The following GNAL variants were observed in gnomAD, a reference collection of about 807,000 sequenced individuals.
GNAL encodes G protein subunit alpha L, also known as guanine nucleotide-binding protein G(olf) subunit alpha.
A neutral mutation model predicts 55.1 loss-of-function variants in GNAL; 18 were observed. The observed-to-expected ratio is 0.33, with a 90% CI of 0.23 to 0.48. The LOEUF (loss-of-function observed/expected upper bound fraction) is 0.48. Ranked by LOEUF, GNAL falls within the 20% of genes least tolerant of loss-of-function variation. GNAL has a pLI of 0.99. For synonymous variants in GNAL, 253 were observed against 237.0 expected, an observed-to-expected ratio of 1.07 and a Z score of -0.62; for missense variants, 412 against 614.1, an observed-to-expected ratio of 0.67 and a Z score of 3.48.
chr18:11,689,688 G>T lies in GNAL; in HGVS notation c.125G>T (p.Arg42Leu). The T allele has an allele frequency of 1.4e-6, 2 of 1,464,036 alleles. No individual in the cohort carries two copies. The highest frequency in any genetic ancestry group is 9.0e-7 in the Non-Finnish European group (1 of 1,113,362). The allele number at this position is 1,464,036 out of a possible 1,614,324, so 90.7% of individuals were successfully genotyped here. ...CCGGCCCCGGCCCTGGCCCCAGTCCGGGCGGCCGCAAGGGACACGGCCCGG... is the reference window on the plus strand; with the variant it reads ...CCGGCCCCGGCCCTGGCCCCAGTCCTGGCGGCCGCAAGGGACACGGCCCGG... Reference protein sequence around the residue: ...PAPAPALAPVRAAARDTARTL... With the variant: ...PAPAPALAPVLAAARDTARTL... The change falls in exon 1 of 12, where the codon CGG becomes CTG. Residue 42 changes from arginine to leucine, a missense_variant. Coordinates refer to ENST00000334049, the MANE Select transcript of GNAL (RefSeq NM_182978.4).
chr18:11,780,186 C>T (rs1053797462), intron 4 of GNAL, among the ~76,000 whole-genome samples: 7 of 151,998 alleles, frequency 4.6e-5, no homozygotes, highest in African/African-American at 1.7e-4. Context: ...TTTTTATGTG[C>T]AGTTACCTAA....
intron 4 of GNAL, among the ~76,000 whole-genome samples, chr18:11,820,177 G>T (rs2035056739): frequency 6.6e-6 from 1 of 152,040 alleles, no homozygotes. Context: ...ACAGGGTGGG[G>T]GATATTTATG....
At position 11,882,254 on chromosome 18, in the gene GNAL, T is replaced by C. The variant is rs1200629386; in HGVS notation, c.*1119T>C. On this transcript the variant is annotated 3_prime_UTR_variant, in exon 12 of 12. Coordinates refer to ENST00000334049, the MANE Select transcript of GNAL (RefSeq NM_182978.4). ...TCAGGGAACCAGGGATTTTTTTCTC[T>C]CTCTCTAGACAATATGTTTCCTCAT... is the stretch of plus-strand genomic sequence containing the variant. 2.6e-5 allele frequency: 4 copies of C among 152,172 alleles called. No individual in the cohort carries two copies. Among genetic ancestry groups the C allele is most frequent in the Admixed American group, 2.6e-4 (4 of 15,262 alleles). 9.4% of individuals were successfully genotyped at this position (152,172 alleles called of 1,614,324 possible).
rs562431650 is a variant in GNAL at position 11,723,221 on chromosome 18, A to G, written c.377-29632A>G. Among the ~76,000 whole-genome samples the G allele has an allele frequency of 2.6e-5, 4 of 152,232 alleles. No homozygotes were observed. The South Asian group carries it at 6.2e-4, about 24-fold the overall frequency. On this transcript the variant is annotated intron_variant, in intron 1 of 11. Transcript: ENST00000334049. Reference sequence around the variant, plus strand: ...AAAATAAAACGTTGTAGTCTGTACAACATGAAAACAGGCCAAGGCCACAAT... The same window carrying G: ...AAAATAAAACGTTGTAGTCTGTACAGCATGAAAACAGGCCAAGGCCACAAT...
chr18:11,826,920 C>T (rs59480192), intron 5 of GNAL, among the ~76,000 whole-genome samples: 1,989 of 152,238 alleles, frequency 0.013, 47 homozygotes, highest in African/African-American at 0.045. Context: ...CCAGAGCACA[C>T]GAGGAGTGCC....
chr18:11,818,937 G>T (rs976077312), intron 4 of GNAL, among the ~76,000 whole-genome samples: 4 of 152,206 alleles, frequency 2.6e-5, no homozygotes, highest in Admixed American at 2.6e-4. Flanking sequence ...CTCAACCCAG[G>T]GATGTGGTCC....
intron 4 of GNAL, among the ~76,000 whole-genome samples, chr18:11,798,991 T>C (rs1195852681): frequency 2.0e-5 from 3 of 151,936 alleles, no homozygotes; most frequent in Middle Eastern, 3.4e-3. Flanking sequence ...CGCACGCCTG[T>C]AATCCCAGCA....
chr18:11,830,348 A>G (rs7228304), intron 5 of GNAL, among the ~76,000 whole-genome samples: 139,207 of 146,852 alleles, frequency 0.95, 66,018 homozygotes, highest in East Asian at 0.97. Flanking sequence ...GTGCAATGGC[A>G]CGATCTTGGC....
chr18:11,826,124 C>T (rs547201525), intron 5 of GNAL, among the ~76,000 whole-genome samples: 2 of 152,230 alleles, frequency 1.3e-5, no homozygotes, highest in East Asian at 3.9e-4. Flanking sequence ...GTTGTGTTGG[C>T]CCAAGCTCCT....
At chr18:11,853,507 C>T (rs867342465) in intron 5 of GNAL, 1 of 166,978 alleles carries the variant, frequency 6.0e-6, no homozygotes, top group Non-Finnish European at 1.5e-5. Context: ...GAAGATTTTT[C>T]CATAAGAGAA....
intron 1 of GNAL, among the ~76,000 whole-genome samples, chr18:11,711,338 A>G (rs2143362738): frequency 1.3e-5 from 2 of 152,136 alleles, no homozygotes; most frequent in East Asian, 3.9e-4. Context: ...CTCAAAATGT[A>G]TACATTGATT....
At chr18:11,791,288 G>A (rs2034228160) in intron 4 of GNAL, among the ~76,000 whole-genome samples, 1 of 152,186 alleles carries the variant, frequency 6.6e-6, no homozygotes, top group Non-Finnish European at 1.5e-5. Context: ...TAAATTTCCT[G>A]CCTGTTTGTT....
chr18:11,836,245 G>A (rs1051343059), intron 5 of GNAL, among the ~76,000 whole-genome samples: 1 of 151,934 alleles, frequency 6.6e-6, no homozygotes, highest in East Asian at 1.9e-4. Context: ...TTGGGAGGTC[G>A]CGACCAGCCT....
chr18:11,842,523 C>A (rs960209329), intron 5 of GNAL, among the ~76,000 whole-genome samples: 1 of 151,962 alleles, frequency 6.6e-6, no homozygotes, highest in African/African-American at 2.4e-5. Context: ...TGTTTTCCTG[C>A]AACTAGATGG....
At chr18:11,810,123 G>A (rs1040248885) in intron 4 of GNAL, among the ~76,000 whole-genome samples, 4 of 152,222 alleles carry the variant, frequency 2.6e-5, no homozygotes, top group African/African-American at 9.6e-5. Flanking sequence ...GGGCAGGGCG[G>A]CTCACGCCTA....
chr18:11,723,260 AGT>A (rs2032139502), intron 1 of GNAL, among the ~76,000 whole-genome samples: 1 of 152,252 alleles, frequency 6.6e-6, no homozygotes, highest in African/African-American at 2.4e-5. Flanking sequence ...TAAATGGAGG[AGT>A]GTGGCTGTGT....
intron 1 of GNAL, among the ~76,000 whole-genome samples, chr18:11,712,690 C>T (rs2031866200): frequency 6.6e-6 from 1 of 152,214 alleles, no homozygotes; most frequent in Non-Finnish European, 1.5e-5. Flanking sequence ...CCCATTTACT[C>T]CTTAATCCTC....
At chr18:11,824,701 A>T (rs112690511) in intron 4 of GNAL, among the ~76,000 whole-genome samples, 4 of 151,526 alleles carry the variant, frequency 2.6e-5, no homozygotes, top group Admixed American at 6.6e-5. Flanking sequence ...AAAAAAACAA[A>T]AAACTTTTGC....
chr18:11,861,466 C>T (rs185837411), intron 5 of GNAL, among the ~76,000 whole-genome samples: 2 of 152,228 alleles, frequency 1.3e-5, no homozygotes, highest in African/African-American at 4.8e-5. Flanking sequence ...CAGGCCTGCA[C>T]TAGGTGCTGG....
Sources: allele counts gnomAD v4.1 joint callset (sites outside exome capture counted in the v4.1 genomes callset), GRCh38; gene constraint gnomAD v4.1.1; transcripts MANE v1.5; gene names NCBI Gene and HGNC (gene_info 2026-07-23, HGNC 2026-07-21).